GPR89B: variants seen among roughly 807,000 people sequenced by gnomAD.
GPR89B encodes the protein golgi pH regulator B.
GPR89B carries 25 observed loss-of-function variants against 52.4 expected under a neutral mutation model. The observed-to-expected ratio is 0.48, with a 90% CI of 0.35 to 0.67. GPR89B has a LOEUF of 0.67. Ranked by LOEUF, GPR89B falls within the 30% of genes least tolerant of loss-of-function variation. GPR89B has a pLI of 0.01. For synonymous variants in GPR89B, 52 were observed against 151.2 expected (o/e 0.34, Z 4.81); for missense variants, 146 against 450.2 (o/e 0.32, Z 6.11).
chr1:147,948,732 T>A (rs1655218563), intron 5 of GPR89B, among the ~76,000 whole-genome samples: 1 of 151,966 alleles, frequency 6.6e-6, no homozygotes, highest in Admixed American at 6.6e-5. Context: ...GAAATGGTGT[T>A]GTGGAAGCCA....
chr1:147,999,888 A>G, the GPR89B span, among the ~76,000 whole-genome samples: 3 of 152,164 alleles, frequency 2.0e-5, no homozygotes, highest in South Asian at 6.2e-4. Context: ...CCCCTCTCTT[A>G]CAACTAAGGA....
Position 147,935,814 on chromosome 1 carries a change from A to C in GPR89B, c.43-813A>C, listed in dbSNP as rs587753616. Among the ~76,000 whole-genome samples the C allele has an allele frequency of 4.3e-3, 662 of 152,190 alleles. 4 individuals are homozygous for C. Among genetic ancestry groups the C allele is most frequent in the African/African-American group, 0.015 (624 of 41,530 alleles). On this transcript the variant is annotated intron_variant, in intron 1 of 13. Transcript: ENST00000314163. ...CAGTGGTGCAATCATGGCTCACTGC[A>C]GCCTCAACTTCCTAGGCTCAGGTGA...
chr1:147,985,772 C>T (rs1658617572), intron 10 of GPR89B, among the ~76,000 whole-genome samples: 1 of 151,912 alleles, frequency 6.6e-6, no homozygotes, highest in Non-Finnish European at 1.5e-5. Flanking sequence ...TTCATTATTC[C>T]ATTTGATATC....
chr1:148,010,051 T>TAAA, the GPR89B span: 11 of 117,712 alleles, frequency 9.3e-5, no homozygotes, highest in South Asian at 2.8e-4. Flanking sequence ...CTCATGGGTT[T>TAAA]AAAAAAAAAA....
At chr1:147,974,688 G>A (rs1377298329) in intron 10 of GPR89B, among the ~76,000 whole-genome samples, 1 of 131,610 alleles carries the variant, frequency 7.6e-6, no homozygotes. Context: ...GATTGCCCTG[G>A]CCAGAACTTC....
At chr1:147,958,094 A>G (rs1656259262) in intron 7 of GPR89B, among the ~76,000 whole-genome samples, 1 of 152,090 alleles carries the variant, frequency 6.6e-6, no homozygotes, top group Admixed American at 6.5e-5. Context: ...ATGATAAAGA[A>G]GGCTCAGGTT....
At position 147,969,725 on chromosome 1, in the gene GPR89B, A is replaced by G. The variant is rs1294411581; in HGVS notation, c.817-142A>G. The G allele has an allele frequency of 8.4e-5, 101 of 1,207,596 alleles. 4 individuals carry two copies. The African/African-American group carries it at 1.3e-3, about 15-fold the overall frequency. The allele number at this position is 1,207,596 out of a possible 1,614,324, so 74.8% of individuals were successfully genotyped here. On this transcript the variant is annotated intron_variant, in intron 9 of 13. Transcript: ENST00000314163. Reference sequence around the variant, plus strand: ...AAGCATTCAGTAAATGCTGGCCACAACTACTGTTATTAGTTTAATATTATT... The same window carrying G: ...AAGCATTCAGTAAATGCTGGCCACAGCTACTGTTATTAGTTTAATATTATT...
chr1:147,975,516 CT>C (rs1274828652), intron 10 of GPR89B, among the ~76,000 whole-genome samples: 1 of 151,858 alleles, frequency 6.6e-6, no homozygotes, highest in Non-Finnish European at 1.5e-5. Context: ...GTGATGTCCC[CT>C]TTATCATTTT....
At chr1:148,016,903 A>C in the GPR89B span, among the ~76,000 whole-genome samples, 1 of 151,298 alleles carries the variant, frequency 6.6e-6, no homozygotes, top group Non-Finnish European at 1.5e-5. Flanking sequence ...TCAATTATTC[A>C]TGGTTCCATA....
At chr1:148,005,718 G>T in the GPR89B span, among the ~76,000 whole-genome samples, 39 of 152,120 alleles carry the variant, frequency 2.6e-4, 1 homozygote, top group African/African-American at 8.4e-4. Flanking sequence ...CTTGGCTATT[G>T]CAGAGGGCTG....
the GPR89B span, among the ~76,000 whole-genome samples, chr1:148,025,230 A>G: frequency 6.6e-6 from 1 of 151,486 alleles, no homozygotes; most frequent in Non-Finnish European, 1.5e-5. Flanking sequence ...TTTGACCCGC[A>G]CTCTTTCCCA....
intron 10 of GPR89B, among the ~76,000 whole-genome samples, chr1:147,981,786 G>GGGATTACAGGTGC (rs1658272668): frequency 2.0e-5 from 3 of 150,472 alleles, no homozygotes. Flanking sequence ...CTGAGTAGCT[G>GGGATTACAGGTGC]GGATTACAGG....
the GPR89B span, among the ~76,000 whole-genome samples, chr1:148,015,758 G>A: frequency 4.1e-5 from 6 of 147,296 alleles, no homozygotes; most frequent in Admixed American, 3.4e-4. Flanking sequence ...GGGCATTTTC[G>A]GCGTTTTCAG....
intron 7 of GPR89B, among the ~76,000 whole-genome samples, chr1:147,957,259 G>T (rs1326330012): frequency 3.3e-5 from 5 of 152,192 alleles, no homozygotes; most frequent in African/African-American, 1.2e-4. Flanking sequence ...TCTGAAATCA[G>T]ACTGTGTATG....
chr1:147,968,397 A>G (rs1657185588), intron 8 of GPR89B: 2 of 453,878 alleles, frequency 4.4e-6, no homozygotes, highest in African/African-American at 2.0e-5. Context: ...AAGATAAGAT[A>G]TAAAAGAAGA....
intron 1 of GPR89B, 46 bp downstream of exon 1, chr1:147,928,624 C>G (rs781896449): frequency 3.1e-6 from 5 of 1,612,126 alleles, no homozygotes; most frequent in East Asian, 4.5e-5. Flanking sequence ...CTCCCTTCAC[C>G]GAATCGCCCT....
chr1:147,951,256 G>A (rs1655668938), intron 5 of GPR89B, among the ~76,000 whole-genome samples: 1 of 151,764 alleles, frequency 6.6e-6, no homozygotes, highest in Admixed American at 6.6e-5. Flanking sequence ...TCATAGGATT[G>A]TTATGAGGGT....
At chr1:147,946,706 C>T (rs1655004453) in intron 5 of GPR89B, among the ~76,000 whole-genome samples, 1 of 152,172 alleles carries the variant, frequency 6.6e-6, no homozygotes, top group African/African-American at 2.4e-5. Flanking sequence ...ATGACCAGTG[C>T]AGCCAGGCTG....
intron 3 of GPR89B, among the ~76,000 whole-genome samples, chr1:147,942,119 A>C (rs11485698): frequency 6.6e-6 from 1 of 152,154 alleles, no homozygotes; most frequent in Non-Finnish European, 1.5e-5. Flanking sequence ...ACAGTTTAAT[A>C]ATATAATACA....
Sources: gnomAD v4.1 joint callset for allele counts (sites outside exome capture counted in the v4.1 genomes callset) on GRCh38, gnomAD v4.1.1 for gene constraint, MANE v1.5 for transcripts, NCBI Gene and HGNC (gene_info 2026-07-23, HGNC 2026-07-21) for gene names.